The following BEND6 variants were observed in gnomAD, a reference collection of about 807,000 sequenced individuals.
BEND6 encodes BEN domain containing 6, also known as BEN domain-containing protein 6.
Under a neutral mutation model 31.8 loss-of-function variants are expected in BEND6, and 24 were observed. The ratio of observed to expected loss-of-function variants is 0.75; its 90% confidence interval spans 0.55 to 1.06. BEND6 has a LOEUF of 1.06. BEND6 is among the 50% of genes least tolerant of loss of function. BEND6 has a pLI of 0.00. For synonymous variants in BEND6, 109 were observed against 114.6 expected (o/e 0.95, Z 0.31); for missense variants, 294 against 327.4 (o/e 0.90, Z 0.79).
intron 3 of BEND6, among the ~76,000 whole-genome samples, chr6:57,004,117 A>G (rs1827058499): frequency 6.6e-6 from 1 of 152,182 alleles, no homozygotes; most frequent in Non-Finnish European, 1.5e-5. Flanking sequence ...GAACTGGGAC[A>G]AGACAAGGAT....
chr6:57,005,030 A>T (rs1234795848), intron 3 of BEND6, among the ~76,000 whole-genome samples: 1 of 152,230 alleles, frequency 6.6e-6, no homozygotes, highest in Non-Finnish European at 1.5e-5. Flanking sequence ...AGTAAGATAA[A>T]TACCAGAAGA....
intron 2 of BEND6, among the ~76,000 whole-genome samples, chr6:56,983,521 GT>G (rs903223941): frequency 6.6e-6 from 1 of 151,888 alleles, no homozygotes; most frequent in Non-Finnish European, 1.5e-5. Context: ...ATATTTGAAA[GT>G]TTTTTTTAGA....
intron 3 of BEND6, chr6:57,014,522 A>T: frequency 1.3e-6 from 2 of 1,520,240 alleles, no homozygotes; most frequent in Non-Finnish European, 1.8e-6. Flanking sequence ...AAAACTTTGA[A>T]TGTGTAAGTT....
In BEND6 at chr6:56,970,100, ATG is replaced by A. The variant is rs368802501; in HGVS notation, c.-100-11601_-100-11600del. On this transcript the variant is annotated intron_variant, in intron 1 of 6. Transcript: ENST00000370746. The stretch of plus-strand genomic sequence containing the variant: ...TTTCTTAAAATTTTGTTTTAGTTGC[ATG>A]TGTGTGTGTATTTTCTAGATCAAAA... Among the ~76,000 whole-genome samples, 224 of 152,230 alleles carry A rather than the reference ATG, an allele frequency of 1.5e-3. 1 individual carries two copies. The highest frequency in any genetic ancestry group is 6.8e-3 in the Middle Eastern group (2 of 294).
chr6:56,997,840 C>T (rs1826781744), intron 3 of BEND6, among the ~76,000 whole-genome samples: 2 of 152,152 alleles, frequency 1.3e-5, no homozygotes, highest in Admixed American at 1.3e-4. Flanking sequence ...GCATGAGCTA[C>T]CGCGCCTGGC....
At chr6:57,007,930 A>G (rs1422887502) in intron 3 of BEND6, among the ~76,000 whole-genome samples, 2 of 152,210 alleles carry the variant, frequency 1.3e-5, no homozygotes, top group African/African-American at 4.8e-5. Context: ...AACCAGATAC[A>G]AGGAGAAGGC....
chr6:56,977,252 A>C (rs79218520), intron 1 of BEND6, among the ~76,000 whole-genome samples: 1 of 152,224 alleles, frequency 6.6e-6, no homozygotes, highest in Non-Finnish European at 1.5e-5. Context: ...AATAACAAGC[A>C]AGTGACTGTC....
At chr6:56,981,618 T>G in intron 1 of BEND6, 93 bp from the exon 2 acceptor site, 1 of 468,298 alleles carries the variant, frequency 2.1e-6, no homozygotes, top group East Asian at 4.1e-5. Context: ...ATAGGAAACA[T>G]TAATAAAACT....
intron 2 of BEND6, among the ~76,000 whole-genome samples, chr6:56,990,170 T>C (rs1184354163): frequency 1.3e-5 from 2 of 152,104 alleles, no homozygotes; most frequent in Non-Finnish European, 2.9e-5. Context: ...ACAGATCCCA[T>C]TTCTGCAGTA....
At chr6:57,016,155 T>G (rs190118722) in intron 4 of BEND6, among the ~76,000 whole-genome samples, 126 of 152,280 alleles carry the variant, frequency 8.3e-4, no homozygotes, top group African/African-American at 2.9e-3. Context: ...ACAATTCTTT[T>G]TCTGTTTTTG....
intron 1 of BEND6, among the ~76,000 whole-genome samples, chr6:56,965,919 G>A (rs543693253): frequency 6.6e-6 from 1 of 151,894 alleles, no homozygotes; most frequent in East Asian, 1.9e-4. Flanking sequence ...TTTACTTAAA[G>A]CAAAAAGCAT....
intron 1 of BEND6, among the ~76,000 whole-genome samples, chr6:56,963,780 TA>T: frequency 6.7e-6 from 1 of 149,290 alleles, no homozygotes; most frequent in Middle Eastern, 3.6e-3. Flanking sequence ...CAATTAATAA[TA>T]AAATATTACT....
chr6:56,976,966 G>A (rs2127848753), intron 1 of BEND6, among the ~76,000 whole-genome samples: 1 of 152,230 alleles, frequency 6.6e-6, no homozygotes, highest in Middle Eastern at 3.4e-3. Context: ...CAACTCACAG[G>A]AAAATAGCAG....
intron 2 of BEND6, among the ~76,000 whole-genome samples, chr6:56,987,214 A>T (rs1437936326): frequency 6.6e-6 from 1 of 151,882 alleles, no homozygotes; most frequent in East Asian, 1.9e-4. Flanking sequence ...TCCTGACCTC[A>T]ACTGATCTGC....
At chr6:56,991,798 A>G (rs140745188) in intron 2 of BEND6, among the ~76,000 whole-genome samples, 5 of 152,202 alleles carry the variant, frequency 3.3e-5, no homozygotes, top group African/African-American at 7.2e-5. Flanking sequence ...CAGCACCCCA[A>G]AGATTCCCTC....
At chr6:56,962,096 G>A (rs1026979237) in intron 1 of BEND6, among the ~76,000 whole-genome samples, 4 of 152,146 alleles carry the variant, frequency 2.6e-5, no homozygotes, top group African/African-American at 9.7e-5. Flanking sequence ...TGTTATAAAA[G>A]AGCTAGTTCA....
At chr6:56,959,986 A>G (rs1825231878) in intron 1 of BEND6, among the ~76,000 whole-genome samples, 1 of 152,234 alleles carries the variant, frequency 6.6e-6, no homozygotes, top group African/African-American at 2.4e-5. Context: ...CAAAAAAGTC[A>G]GCTGAGTTTG....
chr6:57,013,163 C>T (rs1302526145), intron 3 of BEND6, among the ~76,000 whole-genome samples: 1 of 152,184 alleles, frequency 6.6e-6, no homozygotes, highest in Non-Finnish European at 1.5e-5. Context: ...CTCCCCACTG[C>T]CAAGAGTGCC....
chr6:57,021,102 A>G (rs951407212), intron 6 of BEND6, among the ~76,000 whole-genome samples: 3 of 152,230 alleles, frequency 2.0e-5, no homozygotes, highest in Non-Finnish European at 4.4e-5. Context: ...TAGACTGGAA[A>G]TGCATGTATT....
Sources: gnomAD v4.1 joint callset for allele counts (sites outside exome capture counted in the v4.1 genomes callset) on GRCh38, gnomAD v4.1.1 for gene constraint, MANE v1.5 for transcripts, NCBI Gene and HGNC (gene_info 2026-07-23, HGNC 2026-07-21) for gene names.